Variants in SLC12A7 observed in about 807,000 individuals in gnomAD.
The protein encoded by SLC12A7 is solute carrier family 12 member 7.
A neutral mutation model predicts 120.6 loss-of-function variants in SLC12A7; 100 were observed. The observed-to-expected ratio is 0.83, with a 90% confidence interval of 0.71 to 0.98. The LOEUF (loss-of-function observed/expected upper bound fraction) is 0.98. SLC12A7 is among the 50% of genes least tolerant of loss of function. SLC12A7 has a pLI of 0.00. For synonymous variants in SLC12A7, 760 were observed against 678.0 expected, an observed-to-expected ratio of 1.12 and a Z score of -1.88; for missense variants, 1,373 against 1,548.1, an observed-to-expected ratio of 0.89 and a Z score of 1.90.
At chr5:1,062,428 G>A (rs1232353507) in intron 20 of SLC12A7, among the ~76,000 whole-genome samples, 3 of 152,234 alleles carry the variant, frequency 2.0e-5, no homozygotes, top group Admixed American at 6.5e-5. Context: ...ACAGCCACAT[G>A]GAAACTAAGC....
In SLC12A7 at chr5:1,093,551, G is replaced by A. The variant is rs534364462; in HGVS notation, c.324C>T (p.Ser108=). 26 of 1,598,894 alleles carry A rather than the reference G, an allele frequency of 1.6e-5. No homozygotes were observed. In the South Asian group the frequency reaches 2.8e-4, roughly 17 times the overall value. The change falls in exon 3 of 24, where the codon AGC becomes AGT. Residue 108 remains serine, a synonymous_variant. Transcript: ENST00000264930. ...GCAGTACCTTGGCCTCCCGCCGCCG[G>A]CTCTCCTCGTCCTCCTCGTGCTCCA... The part of the protein sequence containing the change: ...GVVEHEEDEE[S]RRREAKAPRM...
At chr5:1,089,170 A>T in intron 3 of SLC12A7, 42 bp from the exon 4 acceptor site, 2 of 1,593,112 alleles carry the variant, frequency 1.3e-6, no homozygotes, top group East Asian at 4.5e-5. Context: ...CGTACCCCAC[A>T]CCCAGAGGGA....
At chr5:1,128,629 G>T in the SLC12A7 span, among the ~76,000 whole-genome samples, 2 of 152,252 alleles carry the variant, frequency 1.3e-5, no homozygotes, top group African/African-American at 4.8e-5. Context: ...GCGGTGGCTA[G>T]TGAGACTGGT....
At chr5:1,057,941 T>C (rs992053238) in intron 21 of SLC12A7, among the ~76,000 whole-genome samples, 1 of 151,864 alleles carries the variant, frequency 6.6e-6, no homozygotes, top group African/African-American at 2.4e-5. Context: ...GCTGGCAGAG[T>C]CTCCCCCTCA....
At chr5:1,077,231 C>T (rs1045803718) in intron 12 of SLC12A7, among the ~76,000 whole-genome samples, 4 of 152,338 alleles carry the variant, frequency 2.6e-5, no homozygotes, top group African/African-American at 7.2e-5. Context: ...GCCCTAGGCC[C>T]GGCTGGGACT....
chr5:1,152,742 G>A, the SLC12A7 span, among the ~76,000 whole-genome samples: 1 of 152,200 alleles, frequency 6.6e-6, no homozygotes, highest in Non-Finnish European at 1.5e-5. Context: ...AGTCAACTGA[G>A]TACAAAGTCG....
the SLC12A7 span, among the ~76,000 whole-genome samples, chr5:1,141,783 G>C: frequency 4.6e-5 from 7 of 152,204 alleles, no homozygotes; most frequent in Non-Finnish European, 7.4e-5. Context: ...GTGCAGAGAG[G>C]CCACTGGACA....
At chr5:1,131,188 C>G in the SLC12A7 span, among the ~76,000 whole-genome samples, 3 of 152,132 alleles carry the variant, frequency 2.0e-5, no homozygotes, top group African/African-American at 4.8e-5. Flanking sequence ...CACGGGGACA[C>G]GTGGGGACAC....
Position 1,065,291 on chromosome 5 carries a change from T to C in SLC12A7, c.2429A>G (p.Asn810Ser), listed in dbSNP as rs752726425. The C allele has an allele frequency of 6.4e-7, 1 of 1,562,408 alleles. No homozygotes were observed. Among genetic ancestry groups the C allele is most frequent in the Non-Finnish European group, 8.7e-7 (1 of 1,150,340 alleles). ...KQEDNPFSWK[N>S]FVDTVRDTTA... ...CCGCCAGCCATGCCTACCCACAAAG[T>C]TCTTCCAGGAGAAGGGGTTGTCCTC... The change falls in exon 18 of 24, where the codon AAC becomes AGC. Residue 810 changes from asparagine (N) to serine (S), a missense_variant. Transcript: ENST00000264930.
chr5:1,060,015 C>T (rs1167585906), intron 21 of SLC12A7, among the ~76,000 whole-genome samples: 1 of 152,236 alleles, frequency 6.6e-6, no homozygotes, highest in Non-Finnish European at 1.5e-5. Flanking sequence ...TGTCTCCTGC[C>T]TGCACGCTGC....
the SLC12A7 span, among the ~76,000 whole-genome samples, chr5:1,120,278 A>G: frequency 2.0e-5 from 3 of 152,208 alleles, no homozygotes; most frequent in Non-Finnish European, 2.9e-5. Context: ...GCCCGGGTGC[A>G]GCTGGGTGGG....
intron 18 of SLC12A7, 101 bp from the exon 19 acceptor site, chr5:1,064,353 G>T (rs928654414): frequency 4.4e-6 from 6 of 1,375,162 alleles, no homozygotes; most frequent in African/African-American, 2.9e-5. Flanking sequence ...ACGGCGAGGC[G>T]AGGGGGGTCC....
At chr5:1,055,740 C>T (rs1212410959) in intron 22 of SLC12A7, among the ~76,000 whole-genome samples, 1 of 152,242 alleles carries the variant, frequency 6.6e-6, no homozygotes, top group Non-Finnish European at 1.5e-5. Context: ...GTGTCAAACC[C>T]TACTCCTGGG....
the SLC12A7 span, among the ~76,000 whole-genome samples, chr5:1,153,414 TGCCCCC>T: frequency 6.6e-6 from 1 of 152,230 alleles, no homozygotes; most frequent in South Asian, 2.1e-4. Context: ...GACCTTCACC[TGCCCCC>T]ACACGCTTTC....
At position 1,057,775 on chromosome 5, in the gene SLC12A7, G is replaced by A. The variant is rs2241607; in HGVS notation, c.2848-126C>T. 395,009 of 905,570 alleles carry A rather than the reference G, an allele frequency of 0.44. 90,997 individuals carry two copies. The highest frequency in any genetic ancestry group is 0.6 in the East Asian group (23,083 of 38,382). 56.1% of individuals were successfully genotyped at this position (905,570 alleles called of 1,614,324 possible). The stretch of plus-strand genomic sequence containing the variant: ...CTGAAGGGCCCTGTGTGCCTGACCC[G>A]GGACCCAGCCTGGCGTCCCACACTG... On this transcript the variant is annotated intron_variant, in intron 21 of 23. Coordinates refer to ENST00000264930, the MANE Select transcript of SLC12A7 (RefSeq NM_006598.3).
At chr5:1,079,712 C>T (rs1738791599) in intron 9 of SLC12A7, among the ~76,000 whole-genome samples, 1 of 152,180 alleles carries the variant, frequency 6.6e-6, no homozygotes, top group African/African-American at 2.4e-5. Flanking sequence ...GTCTACTGCT[C>T]CCCTGGATCC....
intron 9 of SLC12A7, among the ~76,000 whole-genome samples, chr5:1,079,931 G>A (rs951177622): frequency 3.9e-5 from 6 of 152,210 alleles, no homozygotes; most frequent in Non-Finnish European, 8.8e-5. Context: ...GACCCCTCCC[G>A]CTGTGGCACC....
the SLC12A7 span, among the ~76,000 whole-genome samples, chr5:1,142,249 A>G: frequency 7.1e-6 from 1 of 140,374 alleles, no homozygotes; most frequent in Non-Finnish European, 1.5e-5. Flanking sequence ...ATCAGGAGGA[A>G]GAAAACCTCC....
the SLC12A7 span, among the ~76,000 whole-genome samples, chr5:1,149,110 G>A: frequency 7.0e-6 from 1 of 142,914 alleles, no homozygotes; most frequent in Non-Finnish European, 1.5e-5. Context: ...CACCCAGAAG[G>A]GGGACTGTGG....
Sources: gnomAD v4.1 joint callset for allele counts (sites outside exome capture counted in the v4.1 genomes callset) on GRCh38, gnomAD v4.1.1 for gene constraint, MANE v1.5 for transcripts, NCBI Gene and HGNC (gene_info 2026-07-23, HGNC 2026-07-21) for gene names.